Variants in CNGA3 observed in about 807,000 individuals in gnomAD.
The protein encoded by CNGA3 is cyclic nucleotide gated channel subunit alpha 3, also known as cyclic nucleotide-gated channel alpha-3.
A neutral mutation model predicts 46.6 loss-of-function variants in CNGA3; 42 were observed. The observed-to-expected ratio is 0.90, with a 90% CI of 0.70 to 1.17. CNGA3 has a LOEUF of 1.17. Ranked by LOEUF, CNGA3 falls within the 50% of genes most tolerant of loss-of-function variation. The pLI is 0.00. For missense variants in CNGA3, 893 were observed against 890.7 expected, an observed-to-expected ratio of 1.00 and a Z score of -0.03; for synonymous variants, 394 against 369.4, an observed-to-expected ratio of 1.07 and a Z score of -0.76.
At chr2:98,381,906 A>G (rs964887647) in intron 4 of CNGA3, among the ~76,000 whole-genome samples, 9 of 152,196 alleles carry the variant, frequency 5.9e-5, no homozygotes, top group African/African-American at 1.7e-4. Flanking sequence ...GAGGGGGGAA[A>G]AAGAAGTTTC....
chr2:98,361,201 C>T (rs973636134), intron 1 of CNGA3, among the ~76,000 whole-genome samples: 1 of 152,092 alleles, frequency 6.6e-6, no homozygotes, highest in Non-Finnish European at 1.5e-5. Flanking sequence ...GGAGAGGCCC[C>T]AGTGTGTGTT....
intron 7 of CNGA3, among the ~76,000 whole-genome samples, chr2:98,394,610 C>A (rs1692865476): frequency 6.6e-6 from 1 of 152,226 alleles, no homozygotes; most frequent in Non-Finnish European, 1.5e-5. Flanking sequence ...TTTCTTGTTT[C>A]ATCCGCCCTT....
At chr2:98,356,678 A>T (rs1397185454) in intron 1 of CNGA3, among the ~76,000 whole-genome samples, 1 of 152,220 alleles carries the variant, frequency 6.6e-6, no homozygotes, top group Non-Finnish European at 1.5e-5. Flanking sequence ...TAATGTTTCA[A>T]ACCACACAAA....
At chr2:98,378,272 G>A (rs1446773615) in intron 3 of CNGA3, 2 of 1,504,070 alleles carry the variant, frequency 1.3e-6, no homozygotes, top group Non-Finnish European at 1.8e-6. Context: ...GAGACTCCAA[G>A]CTCTGCTTCC....
chr2:98,360,201 AG>A (rs1039699841), intron 1 of CNGA3, among the ~76,000 whole-genome samples: 2 of 152,108 alleles, frequency 1.3e-5, no homozygotes, highest in East Asian at 1.9e-4. Context: ...TAAGAGAGGG[AG>A]GGGGGCTGCT....
chr2:98,378,118 G>C (rs1279648747), intron 3 of CNGA3: 2 of 1,550,788 alleles, frequency 1.3e-6, no homozygotes, highest in African/African-American at 2.7e-5. Flanking sequence ...CCAGCCGTGG[G>C]AGACCTTTGA....
intron 2 of CNGA3, among the ~76,000 whole-genome samples, chr2:98,375,379 C>T (rs1042643057): frequency 2.0e-5 from 3 of 152,226 alleles, no homozygotes; most frequent in Non-Finnish European, 4.4e-5. Flanking sequence ...TCCAGGCACA[C>T]AGGCTGTGAC....
chr2:98,350,906 A>G (rs1327593932), intron 1 of CNGA3: 1 of 152,170 alleles, frequency 6.6e-6, no homozygotes, highest in Non-Finnish European at 1.5e-5. Flanking sequence ...TTGGGAAACA[A>G]GACTCAACTC....
At chr2:98,369,873 T>G in intron 1 of CNGA3, 66 bp from the exon 2 acceptor site, 1 of 1,055,348 alleles carries the variant, frequency 9.5e-7, no homozygotes, top group Admixed American at 1.9e-5. Context: ...CCCTTGCCCT[T>G]GATGAGCTGG....
intron 1 of CNGA3, among the ~76,000 whole-genome samples, chr2:98,367,407 G>A (rs1329273526): frequency 1.3e-5 from 2 of 151,894 alleles, no homozygotes; most frequent in East Asian, 3.9e-4. Context: ...TGTTAGCCAG[G>A]ATGGTCTCAA....
At chr2:98,347,166 T>G (rs1691651919) in intron 1 of CNGA3, 1 of 152,120 alleles carries the variant, frequency 6.6e-6, no homozygotes, top group Non-Finnish European at 1.5e-5. Context: ...CCCTTGGGGA[T>G]TCAAAGAGAA....
chr2:98,392,663 G>A (rs1362749217), intron 7 of CNGA3, among the ~76,000 whole-genome samples: 1 of 152,080 alleles, frequency 6.6e-6, no homozygotes, highest in Non-Finnish European at 1.5e-5. Context: ...CTCACTACTC[G>A]ACACTGGGGT....
intron 1 of CNGA3, among the ~76,000 whole-genome samples, chr2:98,348,140 C>T (rs1691685662): frequency 6.6e-6 from 1 of 152,210 alleles, no homozygotes; most frequent in Non-Finnish European, 1.5e-5. Flanking sequence ...ACAGGAACTC[C>T]CCCTGCTTCG....
intron 1 of CNGA3, among the ~76,000 whole-genome samples, chr2:98,368,452 C>G (rs1313859579): frequency 1.3e-5 from 2 of 152,238 alleles, no homozygotes; most frequent in African/African-American, 4.8e-5. Flanking sequence ...CAGTGAAAGA[C>G]TTATCCAAAA....
At position 98,370,068 on chromosome 2, in the gene CNGA3, C is replaced by T. The variant is rs773541745; in HGVS notation, c.93C>T (p.Gly31=). The change falls in exon 2 of 8, where the codon GGC becomes GGT. Residue 31 remains glycine, a synonymous_variant. Coordinates refer to ENST00000272602, the MANE Select transcript of CNGA3 (RefSeq NM_001298.3). The stretch of plus-strand genomic sequence containing the variant: ...GAGATCTCAATCGCGCTGAAAATGG[C>T]CTCAGCAGGTAAGATGGGCTAAGAT... ...SDRDLNRAEN[G]LSRAHSSSEE... 1 of 1,612,646 alleles carries T rather than the reference C, an allele frequency of 6.2e-7. No homozygotes were observed. Among genetic ancestry groups the T allele is most frequent in the Non-Finnish European group, 8.5e-7 (1 of 1,178,960 alleles).
chr2:98,351,755 T>C (rs920393421), intron 1 of CNGA3, among the ~76,000 whole-genome samples: 2 of 152,224 alleles, frequency 1.3e-5, no homozygotes, highest in African/African-American at 4.8e-5. Flanking sequence ...TATTTTGGCA[T>C]TTCTCCCCTT....
chr2:98,369,111 G>C (rs1396367844), intron 1 of CNGA3, among the ~76,000 whole-genome samples: 1 of 152,190 alleles, frequency 6.6e-6, no homozygotes, highest in Non-Finnish European at 1.5e-5. Context: ...AAACAGTTTA[G>C]CTTTGGGAAA....
chr2:98,391,020 G>C (rs538713649), intron 6 of CNGA3, among the ~76,000 whole-genome samples: 2 of 152,224 alleles, frequency 1.3e-5, no homozygotes, highest in Non-Finnish European at 2.9e-5. Flanking sequence ...AGTAGGCTTT[G>C]GGGCACTCCT....
chr2:98,387,700 G>A (rs1692684123), intron 5 of CNGA3, among the ~76,000 whole-genome samples: 1 of 152,174 alleles, frequency 6.6e-6, no homozygotes. Context: ...TTGCGAACCT[G>A]CGACCACACG....
Sources: gnomAD v4.1 joint callset for allele counts (sites outside exome capture counted in the v4.1 genomes callset) on GRCh38, gnomAD v4.1.1 for gene constraint, MANE v1.5 for transcripts, NCBI Gene and HGNC (gene_info 2026-07-23, HGNC 2026-07-21) for gene names.